Variants in LYPD6 observed in about 807,000 individuals in gnomAD.
The protein encoded by LYPD6 is LY6/PLAUR domain containing 6.
Under a neutral mutation model 22.7 loss-of-function variants are expected in LYPD6, and 15 were observed. The ratio of observed to expected loss-of-function variants is 0.66; its 90% CI spans 0.44 to 1.02. The LOEUF (loss-of-function observed/expected upper bound fraction) is 1.02, where lower values mean the gene tolerates loss of function less well. LYPD6 is among the 50% of genes least tolerant of loss of function. The probability of loss-of-function intolerance (pLI) is 0.00; values close to 1 mark genes in which losing one functional copy is unlikely to be tolerated. For missense variants in LYPD6, 189 were observed against 208.4 expected, an observed-to-expected ratio of 0.91 and a Z score of 0.57; for synonymous variants, 72 against 77.5, an observed-to-expected ratio of 0.93 and a Z score of 0.37.
At chr2:149,412,287 A>G (rs1682868705) in intron 1 of LYPD6, among the ~76,000 whole-genome samples, 1 of 151,962 alleles carries the variant, frequency 6.6e-6, no homozygotes, top group African/African-American at 2.4e-5. Context: ...ATCGAATCTA[A>G]TTGTTTTGAT....
intron 1 of LYPD6, among the ~76,000 whole-genome samples, chr2:149,436,129 G>A (rs1341389121): frequency 2.6e-5 from 4 of 152,154 alleles, no homozygotes; most frequent in South Asian, 4.2e-4. Context: ...TTGCTTTGTA[G>A]TATATTCTAG....
chr2:149,363,303 C>T (rs75664998), intron 1 of LYPD6, among the ~76,000 whole-genome samples: 3,312 of 152,252 alleles, frequency 0.022, 97 homozygotes, highest in African/African-American at 0.074. Flanking sequence ...CTGTGGTCAA[C>T]ATTTATACTT....
At chr2:149,330,331 C>G (rs562125878), upstream of LYPD6, 3 of 151,056 alleles carry the variant, frequency 2.0e-5, no homozygotes, top group Admixed American at 2.0e-4. Context: ...GGGTGCCCCA[C>G]CTGCGCCGGG....
At chr2:149,436,407 G>A (rs958726271) in intron 1 of LYPD6, among the ~76,000 whole-genome samples, 9 of 152,172 alleles carry the variant, frequency 5.9e-5, no homozygotes, top group Non-Finnish European at 8.8e-5. Context: ...GATAGCAAGA[G>A]AATAGCACCT....
At chr2:149,415,820 C>G (rs1682949773) in intron 1 of LYPD6, among the ~76,000 whole-genome samples, 1 of 149,796 alleles carries the variant, frequency 6.7e-6, no homozygotes, top group African/African-American at 2.5e-5. Flanking sequence ...GCGCACACCA[C>G]TGTGCCAGGC....
intron 3 of LYPD6, among the ~76,000 whole-genome samples, chr2:149,466,306 C>T (rs1319318438): frequency 6.6e-6 from 1 of 152,164 alleles, no homozygotes; most frequent in Non-Finnish European, 1.5e-5. Flanking sequence ...TCCACATTAA[C>T]ATTTCATAAC....
chr2:149,438,709 T>C (rs139250718), intron 2 of LYPD6, among the ~76,000 whole-genome samples: 90 of 152,346 alleles, frequency 5.9e-4, no homozygotes, highest in Non-Finnish European at 8.8e-4. Flanking sequence ...GATCACATAG[T>C]CTACAAAGTG....
intron 1 of LYPD6, among the ~76,000 whole-genome samples, chr2:149,398,139 A>G (rs1573770901): frequency 1.3e-5 from 2 of 152,174 alleles, no homozygotes; most frequent in African/African-American, 4.8e-5. Flanking sequence ...CTTTTATAAT[A>G]TATTCTTAAC....
intron 1 of LYPD6, among the ~76,000 whole-genome samples, chr2:149,399,749 A>T (rs1682511537): frequency 6.6e-6 from 1 of 151,568 alleles, no homozygotes; most frequent in Non-Finnish European, 1.5e-5. Flanking sequence ...TAAGTACATA[A>T]TGAAATAAAT....
intron 2 of LYPD6, among the ~76,000 whole-genome samples, chr2:149,446,424 TACA>T (rs1326178187): frequency 6.6e-6 from 1 of 152,192 alleles, no homozygotes; most frequent in Non-Finnish European, 1.5e-5. Context: ...TGAATGGTGA[TACA>T]ACAAGGTACA....
intron 1 of LYPD6, among the ~76,000 whole-genome samples, chr2:149,401,679 C>A (rs1239421716): frequency 1.3e-5 from 2 of 152,036 alleles, no homozygotes; most frequent in Admixed American, 1.3e-4. Context: ...ATGTTTATTC[C>A]CAGATCTTTT....
In LYPD6 at chr2:149,423,680, CT is replaced by C. The variant is rs199838294; in HGVS notation, c.-71-13955del. 7.7e-3 allele frequency among the ~76,000 whole-genome samples: 1,152 copies of C among 148,692 alleles called. 8 individuals carry two copies. The highest frequency in any genetic ancestry group is 0.016 in the South Asian group (76 of 4,746). ...ATTCCTTCATGTATAAAATAACACACTTTGAATAGGACATTGGTTCCCCAAA... is the reference window on the plus strand; with the variant it reads ...ATTCCTTCATGTATAAAATAACACACTTGAATAGGACATTGGTTCCCCAAA... On this transcript the variant is annotated intron_variant, in intron 1 of 4. Transcript: ENST00000334166.
intron 2 of LYPD6, among the ~76,000 whole-genome samples, chr2:149,441,914 C>T (rs928485660): frequency 6.6e-6 from 1 of 152,072 alleles, no homozygotes; most frequent in African/African-American, 2.4e-5. Flanking sequence ...TTTCCTTAAT[C>T]ATGTACACCA....
chr2:149,390,165 G>A (rs1682277344), intron 1 of LYPD6, among the ~76,000 whole-genome samples: 1 of 152,134 alleles, frequency 6.6e-6, no homozygotes, highest in African/African-American at 2.4e-5. Context: ...GCCATATATT[G>A]ACCTTGAAAG....
chr2:149,370,762 C>A (rs1045148391), intron 1 of LYPD6: 14 of 152,228 alleles, frequency 9.2e-5, no homozygotes, highest in African/African-American at 3.4e-4. Flanking sequence ...ATGTGTCACT[C>A]CAGCCTGGGC....
chr2:149,453,930 G>C (rs2105167233), intron 3 of LYPD6, among the ~76,000 whole-genome samples: 1 of 152,158 alleles, frequency 6.6e-6, no homozygotes, highest in Non-Finnish European at 1.5e-5. Flanking sequence ...ATTTATTATG[G>C]CTTATCTTTT....
At chr2:149,421,590 G>T (rs1164429944) in intron 1 of LYPD6, among the ~76,000 whole-genome samples, 3 of 151,902 alleles carry the variant, frequency 2.0e-5, no homozygotes, top group African/African-American at 7.3e-5. Context: ...ATGGGATAGT[G>T]GCAATCTAAT....
At chr2:149,466,411 G>A (rs1054203054) in intron 3 of LYPD6, among the ~76,000 whole-genome samples, 11 of 152,146 alleles carry the variant, frequency 7.2e-5, no homozygotes, top group Non-Finnish European at 1.6e-4. Context: ...AGTGATGGCA[G>A]TGTTCTCCAT....
chr2:149,484,258 T>C, the LYPD6 span, among the ~76,000 whole-genome samples: 2 of 152,202 alleles, frequency 1.3e-5, no homozygotes, highest in Non-Finnish European at 2.9e-5. Flanking sequence ...TGTGACTCTT[T>C]TGGTGTGGAC....
Sources: allele counts gnomAD v4.1 joint callset (sites outside exome capture counted in the v4.1 genomes callset), GRCh38; gene constraint gnomAD v4.1.1; transcripts MANE v1.5; gene names NCBI Gene and HGNC (gene_info 2026-07-23, HGNC 2026-07-21).